VPS36: variants seen among roughly 807,000 people sequenced by gnomAD.
The protein encoded by VPS36 is vacuolar protein-sorting-associated protein 36.
Under a neutral mutation model 63.5 loss-of-function variants are expected in VPS36, and 31 were observed. That is an observed-to-expected ratio of 0.49 (90% CI 0.37 to 0.66). VPS36 has a LOEUF of 0.66. Ranked by LOEUF, VPS36 falls within the 30% of genes least tolerant of loss-of-function variation. The pLI is 0.00. For missense variants in VPS36, 338 were observed against 463.7 expected (o/e 0.73, Z 2.49); for synonymous variants, 138 against 157.2 (o/e 0.88, Z 0.91).
At position 52,413,657 on chromosome 13, in the gene VPS36, G is replaced by A. The variant is rs1015637877; in HGVS notation, c.*2173C>T. Reference sequence around the variant, plus strand: ...TTGCATTACCATAAAGCTACAAAGAGGCTCATGCTCCTAAGAGCAAAGTTA... The same window carrying A: ...TTGCATTACCATAAAGCTACAAAGAAGCTCATGCTCCTAAGAGCAAAGTTA... On this transcript the variant is annotated 3_prime_UTR_variant, in exon 14 of 14. Coordinates refer to ENST00000378060, the MANE Select transcript of VPS36 (RefSeq NM_016075.4). 1 of 152,260 alleles carries A rather than the reference G, an allele frequency of 6.6e-6. No individual in the cohort carries two copies. Among genetic ancestry groups the A allele is most frequent in the Non-Finnish European group, 1.5e-5 (1 of 67,984 alleles). The allele number at this position is 152,260 out of a possible 1,614,324, so 9.4% of individuals were successfully genotyped here.
chr13:52,432,497 G>A (rs1482947589), intron 6 of VPS36, among the ~76,000 whole-genome samples: 1 of 152,150 alleles, frequency 6.6e-6, no homozygotes, highest in African/African-American at 2.4e-5. Flanking sequence ...CCAAATAGTA[G>A]ATAAGGGAAA....
intron 6 of VPS36, among the ~76,000 whole-genome samples, chr13:52,427,586 G>C (rs1329099979): frequency 6.7e-6 from 1 of 148,550 alleles, no homozygotes; most frequent in Non-Finnish European, 1.5e-5. Context: ...CAGCCTGGGC[G>C]ACAAAGCAAG....
Position 52,439,236 on chromosome 13 carries a change from T to G in VPS36, c.166-68A>C, listed in dbSNP as rs1958249391. Reference sequence around the variant, plus strand: ...ATCCATAACACTTGTCAGAAATCCTTGTTTTATAGCATTACAGTGCCATAT... The same window carrying G: ...ATCCATAACACTTGTCAGAAATCCTGGTTTTATAGCATTACAGTGCCATAT... On this transcript the variant is annotated intron_variant, in intron 2 of 13. Transcript: ENST00000378060. The G allele has an allele frequency of 3.6e-6, 5 of 1,408,074 alleles. No homozygotes were observed. The Admixed American group carries it at 8.8e-5, about 25-fold the overall frequency. The allele number at this position is 1,408,074 out of a possible 1,614,324, so 87.2% of individuals were successfully genotyped here.
chr13:52,420,626 C>G (rs1253315404), intron 10 of VPS36, among the ~76,000 whole-genome samples: 2 of 152,002 alleles, frequency 1.3e-5, no homozygotes, highest in East Asian at 3.9e-4. Flanking sequence ...AGCCAGCGCA[C>G]CCGGCCCTAT....
At position 52,450,599 on chromosome 13, in the gene VPS36, G is replaced by A. The variant is rs759730270; in HGVS notation, c.-5C>T. On this transcript the variant is annotated 5_prime_UTR_variant, in exon 1 of 14. Coordinates refer to ENST00000378060, the MANE Select transcript of VPS36 (RefSeq NM_016075.4). The stretch of plus-strand genomic sequence containing the variant: ...GGTCCAAACGAAGCGGTCCATGGCC[G>A]CTGCCACCCAGCCCCGGCCCTCCGA... 16 of 1,568,904 alleles carry A rather than the reference G, an allele frequency of 1.0e-5. No individual in the cohort carries two copies. The highest frequency in any genetic ancestry group is 1.2e-5 in the Non-Finnish European group (14 of 1,158,234).
At chr13:52,442,834 C>G (rs1958295104) in intron 1 of VPS36, among the ~76,000 whole-genome samples, 1 of 151,988 alleles carries the variant, frequency 6.6e-6, no homozygotes, top group African/African-American at 2.4e-5. Context: ...TGCAGACACA[C>G]AAGTAGTGAA....
chr13:52,422,347 T>C (rs772991945), intron 10 of VPS36, among the ~76,000 whole-genome samples: 1 of 152,220 alleles, frequency 6.6e-6, no homozygotes, highest in Non-Finnish European at 1.5e-5. Context: ...ACATTTTCTT[T>C]ATCCGTTCAT....
intron 6 of VPS36, 55 bp from the exon 7 acceptor site, chr13:52,427,274 A>T (rs1205270374): frequency 7.2e-5 from 113 of 1,574,038 alleles, no homozygotes; most frequent in Non-Finnish European, 9.6e-5. Context: ...AAAATGACTT[A>T]AAAAAATGAA....
chr13:52,438,627 A>G (rs1316426572), intron 3 of VPS36, among the ~76,000 whole-genome samples: 2 of 152,344 alleles, frequency 1.3e-5, no homozygotes, highest in East Asian at 3.9e-4. Flanking sequence ...GAGTGGCCTC[A>G]TCTCCTGGTG....
intron 6 of VPS36, among the ~76,000 whole-genome samples, chr13:52,433,091 T>C (rs1160180527): frequency 6.6e-6 from 1 of 152,236 alleles, no homozygotes; most frequent in Non-Finnish European, 1.5e-5. Context: ...CAGAATCTAA[T>C]GCATAACTGG....
chr13:52,415,717 C>T lies in VPS36; in HGVS notation c.*113G>A. On this transcript the variant is annotated 3_prime_UTR_variant, in exon 14 of 14. Transcript: ENST00000378060. ...GAAATTAAAAGAGATTTACATTGCA[C>T]TGTGAAGTTCCAATAAATTCTCAAT... The T allele has an allele frequency of 4.1e-6, 4 of 981,312 alleles. No homozygotes were observed. Among genetic ancestry groups the T allele is most frequent in the Non-Finnish European group, 6.3e-6 (4 of 637,868 alleles). 60.8% of individuals were successfully genotyped at this position (981,312 alleles called of 1,614,324 possible). A position where few individuals can be genotyped will look rare whatever the true frequency, so the allele number is the denominator to read the frequency against.
chr13:52,427,852 T>C (rs1455721149), intron 6 of VPS36, among the ~76,000 whole-genome samples: 6 of 152,138 alleles, frequency 3.9e-5, no homozygotes, highest in Non-Finnish European at 1.5e-5. Context: ...AGTAAGAAAT[T>C]CTGTCACTGT....
At chr13:52,438,300 C>T (rs1958239447) in intron 3 of VPS36, among the ~76,000 whole-genome samples, 1 of 151,938 alleles carries the variant, frequency 6.6e-6, no homozygotes, top group Non-Finnish European at 1.5e-5. Flanking sequence ...AAATCTATGG[C>T]TTAAAAAAAA....
chr13:52,420,108 G>A (rs1456441405), intron 10 of VPS36, among the ~76,000 whole-genome samples: 1 of 151,684 alleles, frequency 6.6e-6, no homozygotes, highest in Non-Finnish European at 1.5e-5. Flanking sequence ...AGGCGTGGTA[G>A]CCGTCGCCTG....
intron 10 of VPS36, among the ~76,000 whole-genome samples, chr13:52,421,144 TA>T (rs933077662): frequency 2.4e-3 from 363 of 151,910 alleles, no homozygotes; most frequent in African/African-American, 6.9e-3. Context: ...TTTTAAAGGT[TA>T]AAAAAAATGT....
chr13:52,439,658 G>A (rs1199615311), intron 2 of VPS36, among the ~76,000 whole-genome samples: 1 of 152,102 alleles, frequency 6.6e-6, no homozygotes, highest in East Asian at 1.9e-4. Flanking sequence ...ATGTTAGCCA[G>A]GATGGTCTCG....
chr13:52,443,003 T>G (rs1199866745), intron 1 of VPS36, among the ~76,000 whole-genome samples: 2 of 152,172 alleles, frequency 1.3e-5, no homozygotes, highest in Admixed American at 1.3e-4. Flanking sequence ...CTCATAACAT[T>G]TTTTAATGAA....
At chr13:52,426,192 G>T in intron 8 of VPS36, 126 bp from the exon 9 acceptor site, 2 of 1,208,798 alleles carry the variant, frequency 1.7e-6, no homozygotes, top group Non-Finnish European at 1.1e-6. Context: ...GTGTTTCTAT[G>T]CTGTGAACTA....
In VPS36 at chr13:52,448,124, C is replaced by T. The variant is rs942384775; in HGVS notation, c.96+2375G>A. Among the ~76,000 whole-genome samples, 3 of 152,212 alleles carry T rather than the reference C, an allele frequency of 2.0e-5. No homozygotes were observed. In the South Asian group the frequency reaches 6.2e-4, roughly 32 times the overall value. Reference sequence around the variant, plus strand: ...GGATGAGCAAGGCACACCTTCTGTGCTCCAGAAACATCAGACTAGTCTAGA... The same window carrying T: ...GGATGAGCAAGGCACACCTTCTGTGTTCCAGAAACATCAGACTAGTCTAGA... On this transcript the variant is annotated intron_variant, in intron 1 of 13. Coordinates refer to ENST00000378060, the MANE Select transcript of VPS36 (RefSeq NM_016075.4).
Sources: gnomAD v4.1 joint callset for allele counts (sites outside exome capture counted in the v4.1 genomes callset) on GRCh38, gnomAD v4.1.1 for gene constraint, MANE v1.5 for transcripts, NCBI Gene and HGNC (gene_info 2026-07-23, HGNC 2026-07-21) for gene names.